Variants in ADAMTS12 observed in about 807,000 individuals in gnomAD.
The protein encoded by ADAMTS12 is ADAM metallopeptidase with thrombospondin type 1 motif 12.
A neutral mutation model predicts 167.8 loss-of-function variants in ADAMTS12; 118 were observed. That is an observed-to-expected ratio of 0.70 (90% CI 0.61 to 0.82). The LOEUF (loss-of-function observed/expected upper bound fraction) is 0.82. Ranked by LOEUF, ADAMTS12 falls within the 40% of genes least tolerant of loss-of-function variation. ADAMTS12 has a pLI of 0.00. For missense variants in ADAMTS12, 1,916 were observed against 1,998.8 expected, an observed-to-expected ratio of 0.96 and a Z score of 0.79; for synonymous variants, 704 against 716.9, an observed-to-expected ratio of 0.98 and a Z score of 0.29.
chr5:33,870,633 T>C (rs375276433), intron 2 of ADAMTS12, among the ~76,000 whole-genome samples: 6 of 152,304 alleles, frequency 3.9e-5, no homozygotes, highest in African/African-American at 1.4e-4. Flanking sequence ...AGAGCTAAAA[T>C]GATATGGTTT....
chr5:33,631,739 AAAT>A (rs1300921769), intron 12 of ADAMTS12, among the ~76,000 whole-genome samples: 4 of 152,234 alleles, frequency 2.6e-5, no homozygotes, highest in African/African-American at 7.2e-5. Context: ...AGAAGAATTC[AAAT>A]AATAATTTTT....
Position 33,881,287 on chromosome 5 carries a change from C to A in ADAMTS12, c.321G>T (p.Thr107=). The change falls in exon 2 of 24, where the codon ACG becomes ACT. Residue 107 remains threonine, a synonymous_variant. Coordinates refer to ENST00000504830, the MANE Select transcript of ADAMTS12 (RefSeq NM_030955.4). The part of the protein sequence containing the change: ...HEEKDLFFNL[T]VNQGFLSNSY... The stretch of plus-strand genomic sequence containing the variant: ...TATTGGAAAGAAATCCTTGATTGAC[C>A]GTCAAGTTAAAAAACAGGTCCTTCT... The A allele has an allele frequency of 6.2e-7, 1 of 1,614,146 alleles. No homozygotes were observed. The highest frequency in any genetic ancestry group is 1.3e-5 in the African/African-American group (1 of 75,020).
rs115344529 is a variant in ADAMTS12, at chr5:33,716,756, G to A, written c.635-32701C>T. ...CTTGAGTAGTTTTCTAGCAATGATG[G>A]ATCATCATGATAAAGATCATTTTCT... On this transcript the variant is annotated intron_variant, in intron 3 of 23. Coordinates refer to ENST00000504830, the MANE Select transcript of ADAMTS12 (RefSeq NM_030955.4). Among the ~76,000 whole-genome samples the A allele has an allele frequency of 3.5e-3, 532 of 152,140 alleles. 1 individual carries two copies. Among genetic ancestry groups the A allele is most frequent in the Middle Eastern group, 0.01 (3 of 294 alleles).
intron 22 of ADAMTS12, among the ~76,000 whole-genome samples, chr5:33,537,864 A>C (rs1189437630): frequency 1.3e-5 from 2 of 152,252 alleles, no homozygotes; most frequent in Non-Finnish European, 2.9e-5. Flanking sequence ...TATGTTGGGC[A>C]AAATACTGCA....
chr5:33,856,652 G>T (rs1013388780), intron 2 of ADAMTS12, among the ~76,000 whole-genome samples: 1 of 151,472 alleles, frequency 6.6e-6, no homozygotes, highest in Admixed American at 6.6e-5. Context: ...TATATGAAAA[G>T]GTGGAAAACT....
At chr5:33,701,419 C>G (rs1301504863) in intron 3 of ADAMTS12, among the ~76,000 whole-genome samples, 1 of 152,172 alleles carries the variant, frequency 6.6e-6, no homozygotes. Context: ...CTGCACTCAT[C>G]ATAGACTGCC....
chr5:33,660,729 C>T lies in ADAMTS12; in HGVS notation c.1040+1187G>A, dbSNP rs897690738. ...CCCCAGAGTCCCCGTGCTTACATTC[C>T]ACACCCATGCTATTTCCCAGGGGAC... is the stretch of plus-strand genomic sequence containing the variant. On this transcript the variant is annotated intron_variant, in intron 6 of 23. Transcript: ENST00000504830. 2.6e-5 allele frequency among the ~76,000 whole-genome samples: 4 copies of T among 152,282 alleles called. No individual in the cohort carries two copies. In the East Asian group the frequency reaches 7.7e-4, roughly 29 times the overall value.
chr5:33,658,096 C>A, intron 7 of ADAMTS12, 88 bp downstream of exon 7: 2 of 1,509,346 alleles, frequency 1.3e-6, no homozygotes, highest in Non-Finnish European at 1.8e-6. Context: ...TCCTGACCCC[C>A]AATTTGAGGT....
intron 3 of ADAMTS12, among the ~76,000 whole-genome samples, chr5:33,709,345 A>G (rs189504072): frequency 1.3e-5 from 2 of 152,240 alleles, no homozygotes; most frequent in Non-Finnish European, 2.9e-5. Context: ...GAGCAATCTC[A>G]TTACTGGGTA....
chr5:33,667,770 T>A (rs1741524291), intron 5 of ADAMTS12, among the ~76,000 whole-genome samples: 1 of 152,212 alleles, frequency 6.6e-6, no homozygotes, highest in South Asian at 2.1e-4. Flanking sequence ...CACATTCTCC[T>A]GACAGCTGTC....
chr5:33,704,499 A>G (rs1743115114), intron 3 of ADAMTS12, among the ~76,000 whole-genome samples: 1 of 152,054 alleles, frequency 6.6e-6, no homozygotes, highest in South Asian at 2.1e-4. Flanking sequence ...CCACATCTTC[A>G]CTAGCATTCA....
chr5:33,723,244 A>G (rs1743865894), intron 3 of ADAMTS12, among the ~76,000 whole-genome samples: 1 of 152,018 alleles, frequency 6.6e-6, no homozygotes, highest in Non-Finnish European at 1.5e-5. Flanking sequence ...AGCGAACTCC[A>G]TTTTTCCTTA....
intron 2 of ADAMTS12, among the ~76,000 whole-genome samples, chr5:33,806,696 T>C (rs1014300645): frequency 3.3e-5 from 5 of 152,164 alleles, no homozygotes; most frequent in Admixed American, 2.0e-4. Context: ...CTAGATCTTC[T>C]AAATGTGTTG....
At chr5:33,587,437 G>A (rs1447713254) in intron 18 of ADAMTS12, among the ~76,000 whole-genome samples, 1 of 152,048 alleles carries the variant, frequency 6.6e-6, no homozygotes, top group African/African-American at 2.4e-5. Context: ...AAAATATCCT[G>A]AGCAATGGTG....
intron 3 of ADAMTS12, among the ~76,000 whole-genome samples, chr5:33,728,157 C>T (rs923517625): frequency 6.6e-6 from 1 of 152,198 alleles, no homozygotes; most frequent in African/African-American, 2.4e-5. Flanking sequence ...TGAGACCATC[C>T]TCTTCCCCTA....
chr5:33,630,725 A>G (rs1739880940), intron 13 of ADAMTS12, 55 bp downstream of exon 13: 3 of 1,563,586 alleles, frequency 1.9e-6, no homozygotes, highest in Non-Finnish European at 2.6e-6. Flanking sequence ...GACTTCCCAA[A>G]TTAGTAAAAG....
chr5:33,668,814 A>AT (rs946292432), intron 5 of ADAMTS12, among the ~76,000 whole-genome samples: 235 of 152,126 alleles, frequency 1.5e-3, no homozygotes, highest in Middle Eastern at 0.01. Context: ...TACTTAGCTG[A>AT]TTTTTTCCTC....
intron 3 of ADAMTS12, among the ~76,000 whole-genome samples, chr5:33,701,941 G>A (rs531238227): frequency 1.3e-5 from 2 of 152,256 alleles, no homozygotes; most frequent in South Asian, 4.2e-4. Flanking sequence ...CCTTTTTCAA[G>A]TTTCCTCTTA....
At chr5:33,883,327 G>GT (rs79064946) in intron 1 of ADAMTS12, among the ~76,000 whole-genome samples, 775 of 111,308 alleles carry the variant, frequency 7.0e-3, no homozygotes, top group Non-Finnish European at 9.0e-3. Flanking sequence ...TTTTTTTTTT[G>GT]TTTTTTTTTT....
Sources: allele counts gnomAD v4.1 joint callset (sites outside exome capture counted in the v4.1 genomes callset), GRCh38; gene constraint gnomAD v4.1.1; transcripts MANE v1.5; gene names NCBI Gene and HGNC (gene_info 2026-07-23, HGNC 2026-07-21).